Variants in PLCH1 observed in about 807,000 individuals in gnomAD.
The protein encoded by PLCH1 is phospholipase C eta 1.
PLCH1 carries 60 observed loss-of-function variants against 126.7 expected under a neutral mutation model. That is an observed-to-expected ratio of 0.47 (90% confidence interval 0.38 to 0.59). The LOEUF (loss-of-function observed/expected upper bound fraction) is 0.59, where lower values mean the gene tolerates loss of function less well. Ranked by LOEUF, PLCH1 falls within the 20% of genes least tolerant of loss-of-function variation. The probability of loss-of-function intolerance (pLI) is 0.00; values close to 1 mark genes in which losing one functional copy is unlikely to be tolerated. For synonymous variants in PLCH1, 719 were observed against 734.9 expected (o/e 0.98, Z 0.35); for missense variants, 1,723 against 2,040.0 (o/e 0.84, Z 2.99).
At chr3:155,612,136 G>A (rs62286138) in intron 2 of PLCH1, among the ~76,000 whole-genome samples, 1,674 of 152,042 alleles carry the variant, frequency 0.011, 18 homozygotes, top group Middle Eastern at 0.037. Flanking sequence ...GGCCAATGTG[G>A]TGAAACTTCG....
intron 2 of PLCH1, among the ~76,000 whole-genome samples, chr3:155,640,582 T>C (rs1359498025): frequency 6.6e-6 from 1 of 152,144 alleles, no homozygotes; most frequent in Non-Finnish European, 1.5e-5. Context: ...CCCAGGGAAG[T>C]ATCTGTTGCT....
At chr3:155,542,218 G>C (rs56122616) in intron 10 of PLCH1, among the ~76,000 whole-genome samples, 1 of 152,172 alleles carries the variant, frequency 6.6e-6, no homozygotes, top group Non-Finnish European at 1.5e-5. Context: ...AAAAAACGGC[G>C]CACCAGGAGA....
chr3:155,672,957 G>T (rs143327494), intron 2 of PLCH1, among the ~76,000 whole-genome samples: 1 of 150,038 alleles, frequency 6.7e-6, no homozygotes, highest in African/African-American at 2.5e-5. Flanking sequence ...AGCCTCACCC[G>T]TTCCACCATC....
intron 2 of PLCH1, among the ~76,000 whole-genome samples, chr3:155,636,695 G>A (rs1480772432): frequency 8.6e-5 from 13 of 151,198 alleles, no homozygotes; most frequent in African/African-American, 2.7e-4. Flanking sequence ...GCAGTGAACC[G>A]AGATCACGCC....
intron 11 of PLCH1, among the ~76,000 whole-genome samples, chr3:155,522,825 G>T (rs10513477): frequency 0.094 from 14,216 of 151,598 alleles, 1,580 homozygotes; most frequent in African/African-American, 0.27. Context: ...CTCCTCTCAG[G>T]TTGCTGTGTT....
At chr3:155,464,530 A>G (rs1307992761) in intron 21 of PLCH1, among the ~76,000 whole-genome samples, 1 of 152,138 alleles carries the variant, frequency 6.6e-6, no homozygotes, top group African/African-American at 2.4e-5. Flanking sequence ...GGTTTGCTCT[A>G]GGTAGATTTT....
chr3:155,603,407 CA>C (rs779601387), intron 2 of PLCH1, among the ~76,000 whole-genome samples: 125 of 152,200 alleles, frequency 8.2e-4, no homozygotes, highest in Non-Finnish European at 1.5e-3. Context: ...GTTTAATTCT[CA>C]GCACAAACCC....
intron 2 of PLCH1, among the ~76,000 whole-genome samples, chr3:155,603,100 T>C (rs1012697422): frequency 6.6e-6 from 1 of 152,142 alleles, no homozygotes; most frequent in African/African-American, 2.4e-5. Flanking sequence ...ACATCTATTC[T>C]GGGACACTGA....
At chr3:155,540,455 A>G (rs1367077869) in intron 10 of PLCH1, among the ~76,000 whole-genome samples, 1 of 152,228 alleles carries the variant, frequency 6.6e-6, no homozygotes, top group Non-Finnish European at 1.5e-5. Context: ...TAAACAGACA[A>G]CTCACAGAGT....
chr3:155,741,614 C>T (rs1749623811), intron 1 of PLCH1, among the ~76,000 whole-genome samples: 1 of 148,406 alleles, frequency 6.7e-6, no homozygotes, highest in Admixed American at 6.6e-5. Flanking sequence ...GAAATTATTC[C>T]ATCTCAAAAG....
chr3:155,595,808 C>T (rs1412414459), intron 3 of PLCH1, among the ~76,000 whole-genome samples: 2 of 152,048 alleles, frequency 1.3e-5, no homozygotes, highest in African/African-American at 4.8e-5. Context: ...GTAGGAGTCA[C>T]ATCAAAATGA....
intron 11 of PLCH1, among the ~76,000 whole-genome samples, chr3:155,522,967 G>GGT (rs555464035): frequency 4.7e-5 from 7 of 149,526 alleles, no homozygotes; most frequent in African/African-American, 1.8e-4. Context: ...TTTTTGCGGG[G>GGT]GGGGTGGGGT....
At chr3:155,685,648 A>ATC (rs1405086557) in intron 2 of PLCH1, among the ~76,000 whole-genome samples, 1 of 152,220 alleles carries the variant, frequency 6.6e-6, no homozygotes, top group African/African-American at 2.4e-5. Context: ...GCTATTTTAA[A>ATC]TCTCTCTAAG....
intron 11 of PLCH1, among the ~76,000 whole-genome samples, chr3:155,522,253 T>G (rs934465496): frequency 6.6e-6 from 1 of 152,048 alleles, no homozygotes; most frequent in African/African-American, 2.4e-5. Flanking sequence ...AAATTATCCA[T>G]AATCATAATT....
At chr3:155,514,983 C>T (rs948381820) in intron 11 of PLCH1, 99 bp from the exon 12 acceptor site, 2 of 699,164 alleles carry the variant, frequency 2.9e-6, no homozygotes, top group Non-Finnish European at 4.4e-6. Context: ...AATTTCACTT[C>T]TCTCAATTAC....
At chr3:155,587,865 G>C (rs1249303810) in intron 4 of PLCH1, among the ~76,000 whole-genome samples, 1 of 152,124 alleles carries the variant, frequency 6.6e-6, no homozygotes, top group Non-Finnish European at 1.5e-5. Flanking sequence ...GGTTACAAAA[G>C]GCAAGTACTG....
At chr3:155,721,819 G>A (rs1410324504) in intron 1 of PLCH1, among the ~76,000 whole-genome samples, 1 of 152,128 alleles carries the variant, frequency 6.6e-6, no homozygotes, top group Non-Finnish European at 1.5e-5. Flanking sequence ...AAGCCAAGGT[G>A]GGCTGATCAC....
At position 155,583,520 on chromosome 3, in the gene PLCH1, A is replaced by G; in HGVS notation, c.723T>C (p.Asp241=). 1 of 1,608,340 alleles carries G rather than the reference A, an allele frequency of 6.2e-7. No individual in the cohort carries two copies. Among genetic ancestry groups the G allele is most frequent in the Non-Finnish European group, 8.5e-7 (1 of 1,178,168 alleles). Residue 241 remains aspartate (D), a synonymous_variant, in exon 6 of 23, where the codon GAT becomes GAC. Coordinates refer to ENST00000460012, the MANE Select transcript of PLCH1 (RefSeq NM_014996.4). ...LLLLSYSDKK[D]HLTVEELAQF... ...GAGCCAGTTCTTCCACAGTTAGGTG[A>G]TCTTTCTTGTCACTGTAGCTCAAAA...
At chr3:155,512,244 T>C (rs1719678963) in intron 12 of PLCH1, among the ~76,000 whole-genome samples, 1 of 152,158 alleles carries the variant, frequency 6.6e-6, no homozygotes, top group Admixed American at 6.5e-5. Context: ...TATCTACAAA[T>C]ACCTATCACC....
Sources: allele counts gnomAD v4.1 joint callset (sites outside exome capture counted in the v4.1 genomes callset), GRCh38; gene constraint gnomAD v4.1.1; transcripts MANE v1.5; gene names NCBI Gene and HGNC (gene_info 2026-07-23, HGNC 2026-07-21).